GPR89A: variants seen among roughly 807,000 people sequenced by gnomAD.
GPR89A encodes golgi pH regulator A, also known as G protein-coupled receptor 89A.
Under a neutral mutation model 52.0 loss-of-function variants are expected in GPR89A, and 16 were observed. That is an observed-to-expected ratio of 0.31 (90% confidence interval 0.21 to 0.47). The LOEUF is 0.47. GPR89A is among the 20% of genes least tolerant of loss of function. The probability of loss-of-function intolerance (pLI) is 1.00; values close to 1 mark genes in which losing one functional copy is unlikely to be tolerated. For missense variants in GPR89A, 135 were observed against 449.4 expected, an observed-to-expected ratio of 0.30 and a Z score of 6.33; for synonymous variants, 55 against 150.9, an observed-to-expected ratio of 0.36 and a Z score of 4.66.
rs1242921068 is a variant in GPR89A, at chr1:145,666,823, G to C, written c.1095+1172G>C. 2.0e-5 allele frequency among the ~76,000 whole-genome samples: 3 copies of C among 151,086 alleles called. 1 individual carries two copies. The highest frequency in any genetic ancestry group is 6.6e-5 in the Admixed American group (1 of 15,078). The stretch of plus-strand genomic sequence containing the variant: ...GCAGTGTTTGGCTTTTTGTCCTTGC[G>C]ATAGTTTGCTGAGAATGATGGTTTC... On this transcript the variant is annotated intron_variant, in intron 12 of 13. Transcript: ENST00000313835.
rs1314567862 is a variant in GPR89A at position 145,670,453 on chromosome 1, G to A, written c.*413G>A. ...CCTTGAGATTGACTCATTAAAATCA[G>A]AGACTGTAACACTTTTGCCTTACGT... On this transcript the variant is annotated 3_prime_UTR_variant, in exon 14 of 14. Coordinates refer to ENST00000313835, the MANE Select transcript of GPR89A (RefSeq NM_001097612.2). The A allele has an allele frequency of 1.9e-5, 6 of 311,824 alleles. No homozygotes were observed. The highest frequency in any genetic ancestry group is 1.1e-4 in the African/African-American group (5 of 46,166). The allele number at this position is 311,824 out of a possible 1,614,324, so 19.3% of individuals were successfully genotyped here.
intron 2 of GPR89A, among the ~76,000 whole-genome samples, chr1:145,617,419 A>G (rs1313386975): frequency 6.6e-6 from 1 of 151,860 alleles, no homozygotes; most frequent in African/African-American, 2.4e-5. Context: ...CAATTTGTAC[A>G]GTTAACGCAA....
At chr1:145,630,059 T>C (rs1553689625) in intron 5 of GPR89A, among the ~76,000 whole-genome samples, 2 of 151,956 alleles carry the variant, frequency 1.3e-5, no homozygotes, top group African/African-American at 4.8e-5. Flanking sequence ...CCAGCAGTAT[T>C]TATTTTAACT....
chr1:145,625,787 C>A (rs1263605351), intron 5 of GPR89A, among the ~76,000 whole-genome samples: 1 of 149,282 alleles, frequency 6.7e-6, no homozygotes, highest in Non-Finnish European at 1.5e-5. Flanking sequence ...ATATTAATTG[C>A]TACCATCTCA....
chr1:145,645,932 CTGTT>C, intron 8 of GPR89A: 2 of 593,336 alleles, frequency 3.4e-6, no homozygotes, highest in Non-Finnish European at 3.0e-6. Context: ...ATGAAACCAT[CTGTT>C]TGAGCTGCTT....
At chr1:145,636,074 C>T (rs1282915489) in intron 7 of GPR89A, among the ~76,000 whole-genome samples, 1 of 152,012 alleles carries the variant, frequency 6.6e-6, no homozygotes, top group Non-Finnish European at 1.5e-5. Flanking sequence ...TAGCCCATTT[C>T]CCCTATAATG....
At chr1:145,622,123 C>T (rs1238847397) in intron 3 of GPR89A, among the ~76,000 whole-genome samples, 5 of 152,122 alleles carry the variant, frequency 3.3e-5, no homozygotes, top group African/African-American at 1.2e-4. Flanking sequence ...AATGTATACA[C>T]ACACATTCCT....
At chr1:145,649,626 G>T (rs2262352) in intron 10 of GPR89A, among the ~76,000 whole-genome samples, 36 of 152,080 alleles carry the variant, frequency 2.4e-4, no homozygotes, top group African/African-American at 6.5e-4. Context: ...GTACAATTTT[G>T]TGTATAGACG....
chr1:145,629,667 C>T (rs1298855066), intron 5 of GPR89A, among the ~76,000 whole-genome samples: 6 of 151,820 alleles, frequency 4.0e-5, no homozygotes, highest in Admixed American at 3.3e-4. Flanking sequence ...GTAGGATTAG[C>T]GCTTCAGAAG....
intron 10 of GPR89A, among the ~76,000 whole-genome samples, chr1:145,662,084 A>C (rs1227656748): frequency 6.6e-6 from 1 of 152,162 alleles, no homozygotes; most frequent in African/African-American, 2.4e-5. Context: ...TGTGAGTAGA[A>C]TATGTATTGT....
Position 145,663,306 on chromosome 1 carries a change from G to C in GPR89A, c.910-23G>C, listed in dbSNP as rs371081667. On this transcript the variant is annotated intron_variant, in intron 10 of 13. Transcript: ENST00000313835. ...GTAAGTGATTGTTAAGATGCTCCAA[G>C]GTAAAAATCTGCATCTTTGCAGGCT... 399 of 1,606,752 alleles carry C rather than the reference G, an allele frequency of 2.5e-4. 2 individuals are homozygous for C. In the African/African-American group the frequency reaches 4.6e-3, roughly 19 times the overall value.
At chr1:145,668,239 T>C in intron 12 of GPR89A, among the ~76,000 whole-genome samples, 1 of 152,320 alleles carries the variant, frequency 6.6e-6, no homozygotes, top group Middle Eastern at 3.4e-3. Context: ...TTTCCTCTTT[T>C]ATTTTGTTGA....
chr1:145,634,080 T>C (rs1379597913), intron 7 of GPR89A, among the ~76,000 whole-genome samples: 1 of 12,772 alleles, frequency 7.8e-5, no homozygotes, highest in Admixed American at 1.5e-3. Context: ...TTGTCTATTG[T>C]GTTTTTTTTT....
chr1:145,615,808 C>T lies in GPR89A; in HGVS notation c.43-426C>T, dbSNP rs186657454. On this transcript the variant is annotated intron_variant, in intron 1 of 13. Transcript: ENST00000313835. ...CTAATTTTTGTATTTTCAGTAGAGA[C>T]GGAGCTTTGCCATGTTGGCCAGACT... is the stretch of plus-strand genomic sequence containing the variant. Among the ~76,000 whole-genome samples, 6 of 152,036 alleles carry T rather than the reference C, an allele frequency of 3.9e-5. No homozygotes were observed. The East Asian group carries it at 9.7e-4, about 25-fold the overall frequency.
chr1:145,624,644 A>T (rs1485915202), intron 5 of GPR89A, among the ~76,000 whole-genome samples: 1 of 147,034 alleles, frequency 6.8e-6, no homozygotes, highest in African/African-American at 2.5e-5. Flanking sequence ...CAGGCAATTT[A>T]TAGACTTTCT....
At chr1:145,651,425 G>T (rs587640257) in intron 10 of GPR89A, among the ~76,000 whole-genome samples, 1 of 151,902 alleles carries the variant, frequency 6.6e-6, no homozygotes, top group Non-Finnish European at 1.5e-5. Context: ...GTCAGGTAGC[G>T]TGATGCCTCC....
Position 145,647,104 on chromosome 1 carries a change from G to A in GPR89A, c.817-71G>A, listed in dbSNP as rs111698165. Reference sequence around the variant, plus strand: ...TTAGCCTGAACAGTGATTCATAGAGGGAAGAATACTTGTGTTGAATATAAA... The same window carrying A: ...TTAGCCTGAACAGTGATTCATAGAGAGAAGAATACTTGTGTTGAATATAAA... On this transcript the variant is annotated intron_variant, in intron 9 of 13. Transcript: ENST00000313835. The A allele has an allele frequency of 2.6e-6, 4 of 1,527,836 alleles. No homozygotes were observed. In the African/African-American group the frequency reaches 4.2e-5, roughly 16 times the overall value. The allele number at this position is 1,527,836 out of a possible 1,614,324, so 94.6% of individuals were successfully genotyped here. A position where few individuals can be genotyped will look rare whatever the true frequency, so the allele number is the denominator to read the frequency against.
intron 5 of GPR89A, among the ~76,000 whole-genome samples, chr1:145,629,032 T>C (rs1436105384): frequency 2.6e-5 from 4 of 152,144 alleles, no homozygotes; most frequent in African/African-American, 9.7e-5. Flanking sequence ...TGGAAGGGAT[T>C]GAATACAATC....
chr1:145,635,416 A>AAG (rs1438200195), intron 7 of GPR89A, among the ~76,000 whole-genome samples: 1 of 150,320 alleles, frequency 6.7e-6, no homozygotes, highest in Non-Finnish European at 1.5e-5. Context: ...AAAAAAGAAA[A>AAG]AAAAAGAATG....
Sources: allele counts gnomAD v4.1 joint callset (sites outside exome capture counted in the v4.1 genomes callset), GRCh38; gene constraint gnomAD v4.1.1; transcripts MANE v1.5; gene names NCBI Gene and HGNC (gene_info 2026-07-23, HGNC 2026-07-21).